LRRC59: variants seen among roughly 807,000 people sequenced by gnomAD.
LRRC59 encodes leucine rich repeat containing 59.
In LRRC59, 18 loss-of-function variants were observed where a neutral mutation model predicts 33.5. The observed-to-expected ratio is 0.54, with a 90% confidence interval of 0.37 to 0.80. The LOEUF is 0.80. Ranked by LOEUF, LRRC59 falls within the 30% of genes least tolerant of loss-of-function variation. The pLI, the probability that LRRC59 is intolerant of heterozygous loss-of-function variation, is 0.00. For missense variants in LRRC59, 330 were observed against 391.9 expected (o/e 0.84, Z 1.33); for synonymous variants, 138 against 160.0 (o/e 0.86, Z 1.04).
intron 6 of LRRC59, 70 bp downstream of exon 6, chr17:50,385,048 G>T: frequency 1.9e-6 from 3 of 1,541,178 alleles, no homozygotes; most frequent in Admixed American, 1.8e-5. Flanking sequence ...CACCCCAGTT[G>T]TCTATGCCTG....
chr17:50,391,153 T>C (rs943564225), intron 4 of LRRC59, among the ~76,000 whole-genome samples: 2 of 152,172 alleles, frequency 1.3e-5, no homozygotes, highest in African/African-American at 4.8e-5. Flanking sequence ...TAATCAATGG[T>C]AGCTACTGTC....
intron 5 of LRRC59, among the ~76,000 whole-genome samples, chr17:50,386,886 A>C (rs960325311): frequency 6.6e-6 from 1 of 152,266 alleles, no homozygotes; most frequent in African/African-American, 2.4e-5. Context: ...TGGAGAAAAC[A>C]GGCCACATTC....
At chr17:50,392,712 A>G (rs1914176281) in intron 3 of LRRC59, 27 bp downstream of exon 3, 4 of 1,609,712 alleles carry the variant, frequency 2.5e-6, no homozygotes, top group South Asian at 1.1e-5. Context: ...CACCCTGGCC[A>G]TGAAACACTG....
intron 4 of LRRC59, among the ~76,000 whole-genome samples, chr17:50,391,780 A>T (rs1003200418): frequency 2.0e-5 from 3 of 152,248 alleles, no homozygotes; most frequent in African/African-American, 7.2e-5. Context: ...GAAAGGCCAC[A>T]GCCCCTAACC....
At chr17:50,389,709 T>G (rs548747200) in intron 4 of LRRC59, among the ~76,000 whole-genome samples, 1 of 152,300 alleles carries the variant, frequency 6.6e-6, no homozygotes, top group African/African-American at 2.4e-5. Context: ...TAATTCTTAT[T>G]TCTAGAAAAC....
At chr17:50,395,378 A>AAGGCAGGC (rs200741723) in intron 1 of LRRC59, among the ~76,000 whole-genome samples, 1 of 150,200 alleles carries the variant, frequency 6.7e-6, no homozygotes, top group African/African-American at 2.4e-5. Context: ...AAAAGAAAGG[A>AAGGCAGGC]AGGCAGGCAG....
At chr17:50,387,760 C>A (rs1477837562) in intron 5 of LRRC59, among the ~76,000 whole-genome samples, 1 of 152,128 alleles carries the variant, frequency 6.6e-6, no homozygotes. Context: ...ACAGGGAACA[C>A]TGGGAGGGAC....
intron 1 of LRRC59, 59 bp from the exon 2 acceptor site, chr17:50,395,047 A>G: frequency 1.7e-6 from 2 of 1,187,898 alleles, no homozygotes; most frequent in Non-Finnish European, 2.5e-6. Flanking sequence ...ATTCACTGAC[A>G]TATGTTAATG....
rs1228462754 is a variant in LRRC59, at chr17:50,385,218, C to A, written c.576G>T (p.Lys192Asn). ...TTCTCCGGCGCTCCTTCTCTTCCGC[C>A]TTCTCCCGCTTCCGCAGTTCCCGCT... ...AQERELRKRE[K>N]AEEKERRRKE... The change falls in exon 6 of 7, where the codon AAG becomes AAT. Residue 192 changes from lysine to asparagine, a missense_variant. Transcript: ENST00000225972. The A allele has an allele frequency of 6.2e-7, 1 of 1,614,204 alleles. No homozygotes were observed. Among genetic ancestry groups the A allele is most frequent in the African/African-American group, 1.3e-5 (1 of 75,044 alleles).
chr17:50,392,292 T>A (rs1253881367), intron 4 of LRRC59, 106 bp downstream of exon 4: 3 of 788,050 alleles, frequency 3.8e-6, no homozygotes, highest in Non-Finnish European at 6.6e-6. Flanking sequence ...CGGACCTGAA[T>A]GCTTAACTCC....
In LRRC59 at chr17:50,395,035, C is replaced by A. The variant is rs202015056; in HGVS notation, c.106-47G>T. On this transcript the variant is annotated intron_variant, in intron 1 of 6. Transcript: ENST00000225972. ...AAACATGTCAGACCAACATCTGGAA[C>A]AATTCACTGACATATGTTAATGAAG... The A allele has an allele frequency of 2.8e-5, 37 of 1,306,448 alleles. No individual in the cohort carries two copies. In the Admixed American group the frequency reaches 3.2e-4, roughly 11 times the overall value. 80.9% of individuals were successfully genotyped at this position (1,306,448 alleles called of 1,614,324 possible).
chr17:50,393,331 T>C (rs1914195099), intron 2 of LRRC59, among the ~76,000 whole-genome samples: 1 of 152,214 alleles, frequency 6.6e-6, no homozygotes, highest in Non-Finnish European at 1.5e-5. Flanking sequence ...CAGTTCTTGC[T>C]CCAGCCTACC....
chr17:50,393,145 T>C (rs372598098), intron 2 of LRRC59, among the ~76,000 whole-genome samples: 2 of 152,210 alleles, frequency 1.3e-5, no homozygotes, highest in African/African-American at 4.8e-5. Context: ...GGTGTAACAG[T>C]CTGGAAGCCC....
intron 2 of LRRC59, among the ~76,000 whole-genome samples, chr17:50,394,571 T>C (rs1914226340): frequency 6.6e-6 from 1 of 152,174 alleles, no homozygotes; most frequent in Non-Finnish European, 1.5e-5. Flanking sequence ...ACTTACAAAA[T>C]GGTCTCTAGC....
At chr17:50,387,488 A>G (rs1055162025) in intron 5 of LRRC59, among the ~76,000 whole-genome samples, 2 of 152,218 alleles carry the variant, frequency 1.3e-5, no homozygotes, top group Non-Finnish European at 1.5e-5. Flanking sequence ...AAGTAGCAGC[A>G]TAATTATTTA....
intron 4 of LRRC59, among the ~76,000 whole-genome samples, chr17:50,390,180 A>G (rs1170255030): frequency 6.6e-6 from 1 of 151,844 alleles, no homozygotes; most frequent in African/African-American, 2.4e-5. Context: ...GCAGTAGAGA[A>G]GTTATGGGTC....
Position 50,382,774 on chromosome 17 carries a change from G to GCCC in LRRC59, c.*211_*213dup. On this transcript the variant is annotated 3_prime_UTR_variant, in exon 7 of 7. Transcript: ENST00000225972. ...AGGCATGCAGGTAACTGCCCCCCAC[G>GCCC]CCCCCCCGCCACCTCCCATTTCTCC... The GCCC allele has an allele frequency of 2.6e-5, 5 of 190,908 alleles. No individual in the cohort carries two copies. The highest frequency in any genetic ancestry group is 3.7e-5 in the Non-Finnish European group (4 of 109,124). 11.8% of individuals were successfully genotyped at this position (190,908 alleles called of 1,614,324 possible).
At chr17:50,396,936 C>T in intron 1 of LRRC59, 1 of 400,578 alleles carries the variant, frequency 2.5e-6, no homozygotes, top group Non-Finnish European at 4.4e-6. Flanking sequence ...CTGTGAAAGC[C>T]CCGCAAAGGT....
Position 50,385,241 on chromosome 17 carries a change from G to C in LRRC59, c.553C>G (p.Arg185Gly). Residue 185 changes from arginine (R) to glycine (G), a missense_variant, in exon 6 of 7, where the codon CGG becomes GGG. Physicochemically the swap from Arg to Gly is moderately radical, Grantham distance 125. Transcript: ENST00000225972. ...GCCTTCTCCCGCTTCCGCAGTTCCC[G>C]CTCCTGAGCTTCCTTAGCTCGCTGC... ...AKQRAKEAQE[R>G]ELRKREKAEE... 1.2e-6 allele frequency: 2 copies of C among 1,613,998 alleles called. No homozygotes were observed. Among genetic ancestry groups the C allele is most frequent in the Non-Finnish European group, 1.7e-6 (2 of 1,180,022 alleles).
Sources: gnomAD v4.1 joint callset for allele counts (sites outside exome capture counted in the v4.1 genomes callset) on GRCh38, gnomAD v4.1.1 for gene constraint, MANE v1.5 for transcripts, NCBI Gene and HGNC (gene_info 2026-07-23, HGNC 2026-07-21) for gene names.